Variants in PNPLA3 observed in about 807,000 individuals in gnomAD.
PNPLA3 encodes patatin like domain 3, 1-acylglycerol-3-phosphate O-acyltransferase, also known as 1-acylglycerol-3-phosphate O-acyltransferase PNPLA3.
A neutral mutation model predicts 43.1 loss-of-function variants in PNPLA3; 42 were observed. That is an observed-to-expected ratio of 0.97 (90% CI 0.76 to 1.26). PNPLA3 has a LOEUF of 1.26. Ranked by LOEUF, PNPLA3 falls within the 50% of genes most tolerant of loss-of-function variation. The probability of loss-of-function intolerance (pLI) is 0.00; values close to 1 mark genes in which losing one functional copy is unlikely to be tolerated. For synonymous variants in PNPLA3, 272 were observed against 253.6 expected (o/e 1.07, Z -0.69); for missense variants, 647 against 621.4 (o/e 1.04, Z -0.44).
chr22:43,927,049 G>A lies in PNPLA3; in HGVS notation c.302G>A (p.Cys101Tyr), dbSNP rs747155219. ...TTCCTCCGACAGGGTCTCTGCAAAT[G>A]CCTCCCGGCCAATGTCCACCAGCTC... ...SKFLRQGLCK[C>Y]LPANVHQLIS... is the part of the protein sequence containing the mutation. The change falls in exon 2 of 9, where the codon TGC becomes TAC. Residue 101 changes from cysteine (C) to tyrosine (Y), a missense_variant. Coordinates refer to ENST00000216180, the MANE Select transcript of PNPLA3 (RefSeq NM_025225.3). 51 of 1,614,096 alleles carry A rather than the reference G, an allele frequency of 3.2e-5. No individual in the cohort carries two copies. Among genetic ancestry groups the A allele is most frequent in the Middle Eastern group, 1.6e-4 (1 of 6,084 alleles).
chr22:43,939,284 C>G (rs1467359701), intron 6 of PNPLA3: 1 of 688,864 alleles, frequency 1.5e-6, no homozygotes, highest in Non-Finnish European at 1.8e-6. Context: ...TTTCTTAATA[C>G]AAGATGATTC....
At chr22:43,933,946 A>T (rs547127851) in intron 4 of PNPLA3, among the ~76,000 whole-genome samples, 1 of 152,132 alleles carries the variant, frequency 6.6e-6, no homozygotes, top group African/African-American at 2.4e-5. Flanking sequence ...GACAGCTCTT[A>T]TTGTCCTAGT....
In PNPLA3 at chr22:43,927,037, G is replaced by A; in HGVS notation, c.290G>A (p.Gly97Asp). Residue 97 changes from glycine to aspartate, a missense_variant, in exon 2 of 9, where the codon GGT (glycine) becomes GAT (aspartate). Transcript: ENST00000216180. ...AACTTAAGCAAGTTCCTCCGACAGG[G>A]TCTCTGCAAATGCCTCCCGGCCAAT... Reference protein sequence around the residue: ...SFNLSKFLRQGLCKCLPANVH... With the variant: ...SFNLSKFLRQDLCKCLPANVH... 6.2e-7 allele frequency: 1 copy of A among 1,614,194 alleles called. No individual in the cohort carries two copies. Among genetic ancestry groups the A allele is most frequent in the Non-Finnish European group, 8.5e-7 (1 of 1,180,030 alleles).
chr22:43,924,162 G>A, intron 1 of PNPLA3, 64 bp downstream of exon 1: 5 of 1,389,980 alleles, frequency 3.6e-6, no homozygotes, highest in Non-Finnish European at 4.6e-6. Flanking sequence ...CCGGGGAGCG[G>A]GGGATCCCCA....
chr22:43,941,148 C>CAA (rs577344067), intron 7 of PNPLA3, among the ~76,000 whole-genome samples: 9,930 of 79,640 alleles, frequency 0.12, 978 homozygotes, highest in African/African-American at 0.21. Context: ...AACTCCGACT[C>CAA]AAAAAAAAAA....
chr22:43,929,201 C>A (rs573083681), intron 3 of PNPLA3, among the ~76,000 whole-genome samples: 1 of 152,120 alleles, frequency 6.6e-6, no homozygotes, highest in Admixed American at 6.5e-5. Flanking sequence ...GTTGGCCAGG[C>A]GCGGTGGCTC....
intron 1 of PNPLA3, among the ~76,000 whole-genome samples, chr22:43,924,954 G>A (rs764379543): frequency 1.3e-5 from 2 of 152,050 alleles, no homozygotes; most frequent in African/African-American, 2.4e-5. Flanking sequence ...TGCTGCCTAC[G>A]CTCTCTGGGT....
intron 6 of PNPLA3, among the ~76,000 whole-genome samples, chr22:43,937,597 G>A (rs2050004466): frequency 6.6e-6 from 1 of 152,054 alleles, no homozygotes; most frequent in Non-Finnish European, 1.5e-5. Context: ...TTCCAACTCT[G>A]TCTCCCTAAC....
intron 1 of PNPLA3, 116 bp from the exon 2 acceptor site, chr22:43,926,819 C>T (rs2049925741): frequency 1.2e-6 from 1 of 802,102 alleles, no homozygotes. Flanking sequence ...CCATAGTAGA[C>T]AGTACTGGTC....
At chr22:43,924,167 TC>T in intron 1 of PNPLA3, 69 bp downstream of exon 1, 2 of 1,371,112 alleles carry the variant, frequency 1.5e-6, no homozygotes. Context: ...GAGCGGGGGA[TC>T]CCCAGGGGTC....
chr22:43,936,981 G>A, intron 5 of PNPLA3, 70 bp from the exon 6 acceptor site: 1 of 1,294,062 alleles, frequency 7.7e-7, no homozygotes, highest in Non-Finnish European at 1.1e-6. Context: ...CCTGCAGTTT[G>A]GTAGATGGGT....
Position 43,928,831 on chromosome 22 carries a change from T to C in PNPLA3, c.428T>C (p.Val143Ala). Reference protein sequence around the residue: ...RSKDEVVDALVCSCFIPFYSG... With the variant: ...RSKDEVVDALACSCFIPFYSG... ...TCTCCTTTGCTTTCACAGGCCTTGG[T>C]ATGTTCCTGCTTCATCCCCTTCTAC... is the stretch of plus-strand genomic sequence containing the variant. Residue 143 changes from valine to alanine, a missense_variant, in exon 3 of 9, where the codon GTA becomes GCA. By Grantham distance (64) the Val-to-Ala change is moderately conservative. Transcript: ENST00000216180. The C allele has an allele frequency of 6.2e-7, 1 of 1,610,454 alleles. No individual in the cohort carries two copies. The highest frequency in any genetic ancestry group is 8.5e-7 in the Non-Finnish European group (1 of 1,176,754).
chr22:43,936,503 A>G (rs1408849677), intron 5 of PNPLA3, among the ~76,000 whole-genome samples: 2 of 152,174 alleles, frequency 1.3e-5, no homozygotes, highest in Non-Finnish European at 2.9e-5. Context: ...GGCCTGGCAC[A>G]TACTGGTGCC....
At chr22:43,936,006 G>A (rs1372250761) in intron 5 of PNPLA3, among the ~76,000 whole-genome samples, 2 of 152,308 alleles carry the variant, frequency 1.3e-5, no homozygotes, top group Non-Finnish European at 2.9e-5. Context: ...AGGGGAATAG[G>A]ACTTGGAAAT....
At chr22:43,944,640 C>T (rs2050051461) in intron 7 of PNPLA3, 51 bp from the exon 8 acceptor site, 2 of 1,439,232 alleles carry the variant, frequency 1.4e-6, no homozygotes. Context: ...GTGTTGTAAG[C>T]TGTTGTGTCT....
intron 3 of PNPLA3, among the ~76,000 whole-genome samples, chr22:43,931,428 T>C (rs2049961078): frequency 6.6e-6 from 1 of 152,202 alleles, no homozygotes; most frequent in South Asian, 2.1e-4. Context: ...GACTACCCCT[T>C]GAATGAAGAT....
chr22:43,927,451 C>G (rs1041433070), intron 2 of PNPLA3, among the ~76,000 whole-genome samples: 1 of 149,598 alleles, frequency 6.7e-6, no homozygotes, highest in Non-Finnish European at 1.5e-5. Flanking sequence ...ATGATCATGC[C>G]ACTGTACTCC....
intron 4 of PNPLA3, among the ~76,000 whole-genome samples, chr22:43,934,003 C>G (rs759881808): frequency 6.6e-6 from 1 of 152,070 alleles, no homozygotes; most frequent in Non-Finnish European, 1.5e-5. Context: ...AGGCTTATTC[C>G]GGGACCAAGG....
At chr22:43,941,879 G>A (rs1603417254) in intron 7 of PNPLA3, among the ~76,000 whole-genome samples, 1 of 152,288 alleles carries the variant, frequency 6.6e-6, no homozygotes, top group Middle Eastern at 3.4e-3. Flanking sequence ...TGGGGCTGCA[G>A]GGAGTCCAGG....
Sources: allele counts gnomAD v4.1 joint callset (sites outside exome capture counted in the v4.1 genomes callset), GRCh38; gene constraint gnomAD v4.1.1; transcripts MANE v1.5; gene names NCBI Gene and HGNC (gene_info 2026-07-23, HGNC 2026-07-21).